Variants in WDPCP observed in about 807,000 individuals in gnomAD.
WDPCP encodes the protein WD repeat containing planar cell polarity effector.
WDPCP carries 71 observed loss-of-function variants against 93.1 expected under a neutral mutation model. The ratio of observed to expected loss-of-function variants is 0.76; its 90% CI spans 0.63 to 0.93. The LOEUF is 0.93. Ranked by LOEUF, WDPCP falls within the 40% of genes least tolerant of loss-of-function variation. The pLI, the probability that WDPCP is intolerant of heterozygous loss-of-function variation, is 0.00. For missense variants in WDPCP, 844 were observed against 887.4 expected (o/e 0.95, Z 0.62); for synonymous variants, 315 against 315.0 (o/e 1.00, Z 0.00).
At chr2:63,324,674 G>A (rs900461680) in intron 12 of WDPCP, among the ~76,000 whole-genome samples, 1 of 152,184 alleles carries the variant, frequency 6.6e-6, no homozygotes, top group Non-Finnish European at 1.5e-5. Context: ...GGAGATACCT[G>A]GCATCTTAGT....
chr2:63,614,209 GA>G (rs1709648994), intron 3 of WDPCP, among the ~76,000 whole-genome samples: 1 of 152,022 alleles, frequency 6.6e-6, no homozygotes, highest in South Asian at 2.1e-4. Flanking sequence ...TCTCCCCTAT[GA>G]AGAAGATTTT....
At chr2:63,165,744 C>T (rs1278576362) in intron 15 of WDPCP, among the ~76,000 whole-genome samples, 2 of 150,830 alleles carry the variant, frequency 1.3e-5, no homozygotes, top group South Asian at 2.1e-4. Context: ...TAGAAATTTG[C>T]GAAGTAGTCT....
chr2:63,211,078 C>T (rs1676747917), intron 14 of WDPCP, among the ~76,000 whole-genome samples: 1 of 152,202 alleles, frequency 6.6e-6, no homozygotes, highest in Non-Finnish European at 1.5e-5. Context: ...CAGACTTAAA[C>T]GTCCCTGTCA....
chr2:63,628,834 C>T (rs1709835984), intron 3 of WDPCP, among the ~76,000 whole-genome samples: 2 of 152,164 alleles, frequency 1.3e-5, no homozygotes, highest in African/African-American at 4.8e-5. Context: ...CAAAGTGCCT[C>T]CTAAGAACCC....
chr2:63,701,495 G>A (rs1575751260), intron 2 of WDPCP, among the ~76,000 whole-genome samples: 1 of 152,220 alleles, frequency 6.6e-6, no homozygotes, highest in African/African-American at 2.4e-5. Context: ...AATTTTTCTA[G>A]TTATATATAG....
intron 2 of WDPCP, among the ~76,000 whole-genome samples, chr2:63,729,835 C>T (rs1187871687): frequency 6.6e-6 from 1 of 152,076 alleles, no homozygotes; most frequent in Non-Finnish European, 1.5e-5. Flanking sequence ...GTAAGGATCA[C>T]AAAGAGGAAT....
At chr2:63,587,766 A>G (rs533841525) in intron 1 of WDPCP, among the ~76,000 whole-genome samples, 2 of 152,348 alleles carry the variant, frequency 1.3e-5, no homozygotes, top group South Asian at 4.1e-4. Context: ...TCTCCCCTTC[A>G]GTCGCCAGTC....
intron 12 of WDPCP, among the ~76,000 whole-genome samples, chr2:63,356,890 A>C (rs1216738768): frequency 6.6e-6 from 1 of 152,246 alleles, no homozygotes; most frequent in Non-Finnish European, 1.5e-5. Flanking sequence ...ACAGGGCTAT[A>C]GTAACTAAAA....
chr2:63,549,701 G>A (rs1285561953), intron 1 of WDPCP, among the ~76,000 whole-genome samples: 2 of 152,160 alleles, frequency 1.3e-5, no homozygotes, highest in African/African-American at 4.8e-5. Flanking sequence ...GGGTGGCAGA[G>A]GTTGCAGTCA....
chr2:63,132,579 C>T (rs2153400203), intron 17 of WDPCP, among the ~76,000 whole-genome samples: 1 of 148,654 alleles, frequency 6.7e-6, no homozygotes, highest in East Asian at 2.0e-4. Flanking sequence ...TATCTTTAAG[C>T]TTGTTTATTC....
chr2:63,579,766 CAGAT>C (rs910555502), intron 1 of WDPCP, among the ~76,000 whole-genome samples: 65 of 56,618 alleles, frequency 1.1e-3, no homozygotes, highest in African/African-American at 8.3e-3. Flanking sequence ...GGTAGATACA[CAGAT>C]AGACAGACAG....
At chr2:63,749,790 C>G (rs1669852930) in intron 2 of WDPCP, among the ~76,000 whole-genome samples, 5 of 152,194 alleles carry the variant, frequency 3.3e-5, no homozygotes, top group African/African-American at 7.2e-5. Context: ...AACACATAAT[C>G]TAGAATTTTT....
intron 10 of WDPCP, among the ~76,000 whole-genome samples, chr2:63,402,483 A>T (rs1694230576): frequency 6.6e-6 from 1 of 152,028 alleles, no homozygotes; most frequent in Non-Finnish European, 1.5e-5. Context: ...AAAGTAAAAT[A>T]AAAATAAAAA....
intron 1 of WDPCP, among the ~76,000 whole-genome samples, chr2:63,499,573 A>T (rs1020213495): frequency 6.6e-6 from 1 of 152,236 alleles, no homozygotes; most frequent in Admixed American, 6.5e-5. Flanking sequence ...AAAGGAACAG[A>T]CAACACTAAT....
intron 6 of WDPCP, among the ~76,000 whole-genome samples, chr2:63,475,362 T>C (rs898963511): frequency 6.6e-6 from 1 of 152,122 alleles, no homozygotes; most frequent in African/African-American, 2.4e-5. Flanking sequence ...TCCAGCTATG[T>C]CCAGTCTCCT....
chr2:63,754,316 G>A (rs1669924591), intron 2 of WDPCP, among the ~76,000 whole-genome samples: 1 of 152,230 alleles, frequency 6.6e-6, no homozygotes, highest in African/African-American at 2.4e-5. Flanking sequence ...AACAGGATCT[G>A]AACAGGGCAC....
At chr2:63,657,330 G>A (rs1386243785) in intron 2 of WDPCP, among the ~76,000 whole-genome samples, 1 of 149,746 alleles carries the variant, frequency 6.7e-6, no homozygotes, top group Non-Finnish European at 1.5e-5. Context: ...TCAGCCTCCT[G>A]AGTAGCTGGG....
rs190200475 is a variant in WDPCP at position 63,276,317 on chromosome 2, G to T, written c.1813-16908C>A. ...AATTCTGGTAATATGATAAAACAAG[G>T]TTCTTTAACACCCTCAAGAGAACAT... On this transcript the variant is annotated intron_variant, in intron 13 of 17. Coordinates refer to ENST00000272321, the MANE Select transcript of WDPCP (RefSeq NM_015910.7). Among the ~76,000 whole-genome samples, 1,263 of 152,164 alleles carry T rather than the reference G, an allele frequency of 8.3e-3. 8 individuals are homozygous for T. Among genetic ancestry groups the T allele is most frequent in the Non-Finnish European group, 0.014 (925 of 67,990 alleles).
chr2:63,630,084 A>AGTGAT (rs1709849265), intron 3 of WDPCP, among the ~76,000 whole-genome samples: 1 of 152,232 alleles, frequency 6.6e-6, no homozygotes, highest in Non-Finnish European at 1.5e-5. Context: ...AGAAAAGCTA[A>AGTGAT]GCATAAGTGA....
Sources: allele counts gnomAD v4.1 joint callset (sites outside exome capture counted in the v4.1 genomes callset), GRCh38; gene constraint gnomAD v4.1.1; transcripts MANE v1.5; gene names NCBI Gene and HGNC (gene_info 2026-07-23, HGNC 2026-07-21).